The following MRTFA variants were observed in gnomAD, a reference collection of about 807,000 sequenced individuals.
MRTFA encodes myocardin related transcription factor A.
MRTFA carries 20 observed loss-of-function variants against 83.5 expected under a neutral mutation model. That is an observed-to-expected ratio of 0.24 (90% CI 0.17 to 0.35). MRTFA has a LOEUF of 0.35. MRTFA is among the 10% of genes least tolerant of loss of function. The pLI is 1.00. For missense variants in MRTFA, 1,200 were observed against 1,224.7 expected, an observed-to-expected ratio of 0.98 and a Z score of 0.30; for synonymous variants, 659 against 541.2, an observed-to-expected ratio of 1.22 and a Z score of -3.02.
At chr22:40,437,098 G>A (rs2053185632) in intron 4 of MRTFA, among the ~76,000 whole-genome samples, 1 of 152,068 alleles carries the variant, frequency 6.6e-6, no homozygotes, top group African/African-American at 2.4e-5. Context: ...AACAGAAGGG[G>A]GAGCTCTAGA....
intron 3 of MRTFA, among the ~76,000 whole-genome samples, chr22:40,489,184 A>G (rs2054226198): frequency 1.3e-5 from 2 of 152,192 alleles, no homozygotes; most frequent in Non-Finnish European, 2.9e-5. Flanking sequence ...TATTACAAGG[A>G]AGAATGATCT....
chr22:40,486,810 T>C (rs2054181624), intron 3 of MRTFA, among the ~76,000 whole-genome samples: 1 of 152,010 alleles, frequency 6.6e-6, no homozygotes, highest in South Asian at 2.1e-4. Flanking sequence ...CAAAACCCCA[T>C]CTCTACAAAA....
At chr22:40,485,070 CAAAAA>C (rs60665723) in intron 3 of MRTFA, among the ~76,000 whole-genome samples, 1 of 114,934 alleles carries the variant, frequency 8.7e-6, no homozygotes, top group Non-Finnish European at 1.9e-5. Flanking sequence ...GACTCCGTCT[CAAAAA>C]AAAAAAAAAA....
At chr22:40,552,470 C>T in intron 2 of MRTFA, 103 bp from the exon 3 acceptor site, 1 of 391,108 alleles carries the variant, frequency 2.6e-6, no homozygotes. Flanking sequence ...TCCCATAACT[C>T]ACACATATCA....
intron 3 of MRTFA, among the ~76,000 whole-genome samples, chr22:40,545,642 A>G (rs1448139141): frequency 6.6e-6 from 1 of 151,836 alleles, no homozygotes; most frequent in African/African-American, 2.4e-5. Context: ...CATGTTGGCC[A>G]GGCTGGTCTC....
chr22:40,590,485 G>A (rs2056103920), intron 2 of MRTFA, among the ~76,000 whole-genome samples: 1 of 151,862 alleles, frequency 6.6e-6, no homozygotes, highest in African/African-American at 2.4e-5. Flanking sequence ...TGGCCAACAT[G>A]GTGAAACCCC....
At chr22:40,437,020 A>AT (rs1440229162) in intron 4 of MRTFA, among the ~76,000 whole-genome samples, 14 of 152,186 alleles carry the variant, frequency 9.2e-5, no homozygotes, top group African/African-American at 3.4e-4. Flanking sequence ...ATTTTTAAAA[A>AT]TTTTTTGTGA....
At chr22:40,457,498 GAA>G (rs1254841348) in intron 4 of MRTFA, among the ~76,000 whole-genome samples, 1 of 151,142 alleles carries the variant, frequency 6.6e-6, no homozygotes, top group South Asian at 2.1e-4. Flanking sequence ...AGGAAAGAAA[GAA>G]AGAGAAAGAA....
At chr22:40,454,012 G>T (rs1301641445) in intron 4 of MRTFA, among the ~76,000 whole-genome samples, 1 of 152,234 alleles carries the variant, frequency 6.6e-6, no homozygotes, top group African/African-American at 2.4e-5. Flanking sequence ...TCTTAACAGA[G>T]TAGTACCATG....
In MRTFA at chr22:40,413,476, C is replaced by T. The variant is rs556741969; in HGVS notation, c.2579-1569G>A. Among the ~76,000 whole-genome samples the T allele has an allele frequency of 3.3e-5, 5 of 152,104 alleles. No homozygotes were observed. The South Asian group carries it at 1.0e-3, about 32-fold the overall frequency. On this transcript the variant is annotated intron_variant, in intron 14 of 14. Transcript: ENST00000355630. ...TGCCTCACCCTCCTGAGATTACAGGCACGTGCCACCATGCCTGGCTAATTT... is the reference window on the plus strand; with the variant it reads ...TGCCTCACCCTCCTGAGATTACAGGTACGTGCCACCATGCCTGGCTAATTT...
intron 3 of MRTFA, among the ~76,000 whole-genome samples, chr22:40,508,513 CAAAAA>C (rs1175724448): frequency 1.2e-4 from 3 of 26,068 alleles, no homozygotes; most frequent in Non-Finnish European, 2.2e-4. Context: ...CTCCGTCTCT[CAAAAA>C]AAAAAAAAAA....
rs192954408 is a variant in MRTFA at position 40,416,481 on chromosome 22, G to A, written c.2578+505C>T. On this transcript the variant is annotated intron_variant, in intron 14 of 14. Coordinates refer to ENST00000355630, the MANE Select transcript of MRTFA (RefSeq NM_020831.6). The surrounding 1 kb of genome is among the most constrained non-coding windows in gnomAD (Gnocchi z 4.2). Reference sequence around the variant, plus strand: ...CCTGCCCTGGTGCCCAGGAGGCCACGCATGATCTGGCCATGAAGGCCTTCT... The same window carrying A: ...CCTGCCCTGGTGCCCAGGAGGCCACACATGATCTGGCCATGAAGGCCTTCT... Among the ~76,000 whole-genome samples the A allele has an allele frequency of 4.3e-4, 66 of 152,304 alleles. 1 individual carries two copies. The East Asian group carries it at 0.011, about 26-fold the overall frequency.
At chr22:40,520,292 T>C (rs917922169) in intron 3 of MRTFA, among the ~76,000 whole-genome samples, 2 of 152,232 alleles carry the variant, frequency 1.3e-5, no homozygotes, top group Admixed American at 6.5e-5. Context: ...AAATAAACCC[T>C]GTATCCATCA....
intron 4 of MRTFA, among the ~76,000 whole-genome samples, chr22:40,448,335 G>A (rs1412133963): frequency 6.6e-6 from 1 of 151,702 alleles, no homozygotes; most frequent in East Asian, 1.9e-4. Context: ...TTAGCTGGGT[G>A]TGGTGGCACA....
intron 3 of MRTFA, among the ~76,000 whole-genome samples, chr22:40,477,306 C>T (rs971766764): frequency 2.6e-5 from 4 of 151,382 alleles, no homozygotes; most frequent in Admixed American, 6.6e-5. Flanking sequence ...GCCGAGATCA[C>T]GCCACTGCCC....
chr22:40,499,885 G>A (rs2054426699), intron 3 of MRTFA, among the ~76,000 whole-genome samples: 1 of 148,534 alleles, frequency 6.7e-6, no homozygotes, highest in Non-Finnish European at 1.5e-5. Context: ...AAGAAGCAGA[G>A]GAAACCTGGA....
At chr22:40,489,125 TATA>T (rs1291282843) in intron 3 of MRTFA, among the ~76,000 whole-genome samples, 2 of 152,120 alleles carry the variant, frequency 1.3e-5, no homozygotes, top group Non-Finnish European at 2.9e-5. Context: ...ATTAAGAATT[TATA>T]ATAATAAAAC....
intron 4 of MRTFA, among the ~76,000 whole-genome samples, chr22:40,454,494 T>G (rs1318213725): frequency 6.6e-6 from 1 of 152,206 alleles, no homozygotes. Context: ...GCTGCTTTCA[T>G]AGTCACAACA....
chr22:40,545,918 G>A (rs1416611083), intron 3 of MRTFA, among the ~76,000 whole-genome samples: 3 of 150,424 alleles, frequency 2.0e-5, no homozygotes, highest in African/African-American at 7.4e-5. Context: ...GTAGAGGAGG[G>A]GTTTCACCAT....
Sources: allele counts gnomAD v4.1 joint callset (sites outside exome capture counted in the v4.1 genomes callset), GRCh38; gene constraint gnomAD v4.1.1; non-coding constraint Gnocchi (gnomAD v3.1); transcripts MANE v1.5; gene names NCBI Gene and HGNC (gene_info 2026-07-23, HGNC 2026-07-21).